CCDC3: variants seen among roughly 807,000 people sequenced by gnomAD.
The protein encoded by CCDC3 is coiled-coil domain-containing protein 3.
A neutral mutation model predicts 21.4 loss-of-function variants in CCDC3; 24 were observed. That is an observed-to-expected ratio of 1.12 (90% CI 0.81 to 1.58). CCDC3 has a LOEUF of 1.58. Among genes scored for constraint, CCDC3 ranks in the 40% most tolerant of loss-of-function variants. The pLI is 0.00. For synonymous variants in CCDC3, 186 were observed against 166.0 expected (o/e 1.12, Z -0.93); for missense variants, 425 against 360.9 (o/e 1.18, Z -1.44).
At position 13,001,524 on chromosome 10, in the gene CCDC3, G is replaced by A. The variant is rs1589036861; in HGVS notation, c.47C>T (p.Pro16Leu). Reference protein sequence around the residue: ...LLAALCLAGPPAPARACQLPS... With the variant: ...LLAALCLAGPLAPARACQLPS... Reference sequence around the variant, plus strand: ...CAGCTGGCAGGCGCGCGCGGGCGCTGGGGGACCCGCCAGGCAGAGCGCGGC... The same window carrying A: ...CAGCTGGCAGGCGCGCGCGGGCGCTAGGGGACCCGCCAGGCAGAGCGCGGC... The change falls in exon 1 of 3, where the codon CCA (proline) becomes CTA (leucine). Residue 16 changes from proline to leucine, a missense_variant. By Grantham distance (98) the Pro-to-Leu change is moderately conservative. Transcript: ENST00000378825. 3.8e-6 allele frequency: 5 copies of A among 1,315,492 alleles called. No individual in the cohort carries two copies. Among genetic ancestry groups the A allele is most frequent in the East Asian group, 6.3e-5 (2 of 31,870 alleles). The allele number at this position is 1,315,492 out of a possible 1,614,324, so 81.5% of individuals were successfully genotyped here.
chr10:13,001,478 C>G lies in CCDC3; in HGVS notation c.93G>C (p.Leu31=). ...CCAGCTCGGCGCGGCAGCCCTCGCT[C>G]AGGGGCCTCCACTCGGAGGGCAGCT... The part of the protein sequence containing the change: ...ACQLPSEWRP[L]SEGCRAELAE... The change falls in exon 1 of 3, where the codon CTG becomes CTC. Residue 31 remains leucine, a synonymous_variant. Coordinates refer to ENST00000378825, the MANE Select transcript of CCDC3 (RefSeq NM_031455.4). 7.2e-7 allele frequency: 1 copy of G among 1,392,352 alleles called. No homozygotes were observed. 86.2% of individuals were successfully genotyped at this position (1,392,352 alleles called of 1,614,324 possible).
At chr10:12,997,740 C>A (rs1053676958) in intron 2 of CCDC3, among the ~76,000 whole-genome samples, 2 of 152,154 alleles carry the variant, frequency 1.3e-5, no homozygotes, top group East Asian at 3.8e-4. Flanking sequence ...GTATTGAGCA[C>A]TTACTCTTTT....
chr10:13,029,593 AG>A (rs374821745), intron 5 of CCDC3, among the ~76,000 whole-genome samples: 75 of 152,290 alleles, frequency 4.9e-4, no homozygotes, highest in African/African-American at 1.8e-3. Flanking sequence ...AAAACCATGA[AG>A]AAAGATTAGA....
intron 3 of CCDC3, among the ~76,000 whole-genome samples, chr10:13,093,766 G>C (rs1832602396): frequency 6.6e-6 from 1 of 150,940 alleles, no homozygotes; most frequent in Non-Finnish European, 1.5e-5. Context: ...ACCTTAGTTT[G>C]GAAAAAAAAT....
intron 2 of CCDC3, among the ~76,000 whole-genome samples, chr10:12,919,004 C>G (rs745830605): frequency 6.6e-6 from 1 of 151,864 alleles, no homozygotes; most frequent in Non-Finnish European, 1.5e-5. Flanking sequence ...TGCAGTGAGC[C>G]GAGATTGTGC....
intron 2 of CCDC3, among the ~76,000 whole-genome samples, chr10:12,966,865 A>G (rs1402624647): frequency 6.6e-6 from 1 of 152,224 alleles, no homozygotes; most frequent in Non-Finnish European, 1.5e-5. Flanking sequence ...GACAATGTTC[A>G]AAACAGTTTC....
At chr10:12,924,488 C>A (rs1281627756) in intron 2 of CCDC3, among the ~76,000 whole-genome samples, 1 of 152,168 alleles carries the variant, frequency 6.6e-6, no homozygotes, top group East Asian at 1.9e-4. Flanking sequence ...TTTCACTCAG[C>A]CTAAGAATAT....
intron 5 of CCDC3, among the ~76,000 whole-genome samples, chr10:13,017,187 C>T (rs374429693): frequency 2.0e-5 from 3 of 152,070 alleles, no homozygotes; most frequent in Middle Eastern, 3.4e-3. Context: ...GGGAGACGAG[C>T]TGATTTTTCA....
At chr10:12,948,427 T>C (rs1475882733) in intron 2 of CCDC3, among the ~76,000 whole-genome samples, 1 of 151,684 alleles carries the variant, frequency 6.6e-6, no homozygotes, top group Non-Finnish European at 1.5e-5. Flanking sequence ...TGTGATATCA[T>C]GGTGAAGAGT....
chr10:13,018,661 T>C (rs1836102898), intron 5 of CCDC3, among the ~76,000 whole-genome samples: 1 of 152,140 alleles, frequency 6.6e-6, no homozygotes, highest in Admixed American at 6.5e-5. Context: ...CCGGGCACAG[T>C]GGCTCATGCC....
At chr10:13,086,932 A>T (rs1470650557) in intron 3 of CCDC3, among the ~76,000 whole-genome samples, 1 of 152,214 alleles carries the variant, frequency 6.6e-6, no homozygotes, top group Non-Finnish European at 1.5e-5. Context: ...AGTTAAGGAA[A>T]CATGAAAGGG....
intron 3 of CCDC3, among the ~76,000 whole-genome samples, chr10:13,077,863 A>G (rs1160964987): frequency 2.0e-5 from 3 of 152,244 alleles, no homozygotes; most frequent in African/African-American, 7.2e-5. Context: ...TAAATTCAAA[A>G]TGGATTAAAT....
At chr10:13,083,630 A>G (rs1456016542) in intron 3 of CCDC3, among the ~76,000 whole-genome samples, 1 of 152,266 alleles carries the variant, frequency 6.6e-6, no homozygotes, top group Non-Finnish European at 1.5e-5. Flanking sequence ...GTCCCAGCTC[A>G]CAGCCTATGC....
intron 2 of CCDC3, among the ~76,000 whole-genome samples, chr10:12,965,520 G>T (rs776265638): frequency 6.6e-6 from 1 of 152,102 alleles, no homozygotes. Flanking sequence ...TCCTACTCCC[G>T]ATGATTGTTA....
chr10:12,960,031 G>A (rs1835155406), intron 2 of CCDC3, among the ~76,000 whole-genome samples: 1 of 152,124 alleles, frequency 6.6e-6, no homozygotes, highest in Admixed American at 6.6e-5. Flanking sequence ...GCACATGCCT[G>A]GAATCCCAGC....
intron 2 of CCDC3, among the ~76,000 whole-genome samples, chr10:12,928,460 C>A (rs115992972): frequency 1.1e-3 from 162 of 152,348 alleles, no homozygotes; most frequent in African/African-American, 3.6e-3. Context: ...GCTACATCAG[C>A]AGTTGAAGAA....
intron 3 of CCDC3, among the ~76,000 whole-genome samples, chr10:13,081,526 G>T (rs1285692795): frequency 6.6e-6 from 1 of 152,162 alleles, no homozygotes; most frequent in Non-Finnish European, 1.5e-5. Context: ...ATGGGCCATT[G>T]TTCCAGGGTC....
At chr10:12,937,591 A>G (rs997793910) in intron 2 of CCDC3, among the ~76,000 whole-genome samples, 1 of 152,034 alleles carries the variant, frequency 6.6e-6, no homozygotes, top group African/African-American at 2.4e-5. Context: ...GCCTCCCAAA[A>G]TGTTGGGATT....
chr10:12,915,496 T>C (rs1834338867), intron 2 of CCDC3, among the ~76,000 whole-genome samples: 1 of 152,226 alleles, frequency 6.6e-6, no homozygotes, highest in African/African-American at 2.4e-5. Flanking sequence ...ATCTTTAGAG[T>C]CAGTTACTGG....
Sources: allele counts gnomAD v4.1 joint callset (sites outside exome capture counted in the v4.1 genomes callset), GRCh38; gene constraint gnomAD v4.1.1; transcripts MANE v1.5; gene names NCBI Gene and HGNC (gene_info 2026-07-23, HGNC 2026-07-21).